LPP: variants seen among roughly 807,000 people sequenced by gnomAD.
LPP encodes lipoma-preferred partner.
A neutral mutation model predicts 60.4 loss-of-function variants in LPP; 38 were observed. The ratio of observed to expected loss-of-function variants is 0.63; its 90% confidence interval spans 0.49 to 0.83. The LOEUF (loss-of-function observed/expected upper bound fraction) is 0.83, where lower values mean the gene tolerates loss of function less well. LPP is among the 40% of genes least tolerant of loss of function. The pLI is 0.00. For synonymous variants in LPP, 328 were observed against 290.8 expected, an observed-to-expected ratio of 1.13 and a Z score of -1.30; for missense variants, 902 against 783.6, an observed-to-expected ratio of 1.15 and a Z score of -1.80.
At chr3:188,422,849 C>A (rs1788164920) in intron 4 of LPP, among the ~76,000 whole-genome samples, 1 of 151,342 alleles carries the variant, frequency 6.6e-6, no homozygotes, top group Admixed American at 6.6e-5. Flanking sequence ...TCTTTGGTGG[C>A]CCTGCTAATA....
At chr3:188,445,966 AT>A (rs1795131378) in intron 4 of LPP, among the ~76,000 whole-genome samples, 1 of 152,068 alleles carries the variant, frequency 6.6e-6, no homozygotes, top group Admixed American at 6.5e-5. Flanking sequence ...AAATTATTTT[AT>A]TTGTTTCTTC....
At chr3:188,687,166 C>A (rs1307447070) in intron 7 of LPP, among the ~76,000 whole-genome samples, 1 of 152,212 alleles carries the variant, frequency 6.6e-6, no homozygotes, top group African/African-American at 2.4e-5. Flanking sequence ...TGGAGATCAT[C>A]TAGTTCGGTT....
chr3:188,389,775 C>CAAAAAA (rs56304365), intron 3 of LPP, among the ~76,000 whole-genome samples: 1 of 85,338 alleles, frequency 1.2e-5, no homozygotes, highest in Admixed American at 1.5e-4. Context: ...GACTCCGTCT[C>CAAAAAA]AAAAAAAAAA....
At chr3:188,668,953 T>A (rs1044771945) in intron 7 of LPP, among the ~76,000 whole-genome samples, 19 of 152,198 alleles carry the variant, frequency 1.2e-4, no homozygotes, top group African/African-American at 4.6e-4. Context: ...ATTTTAATCA[T>A]TTTTTCATTC....
intron 6 of LPP, among the ~76,000 whole-genome samples, chr3:188,608,849 G>A (rs1313702673): frequency 6.6e-5 from 10 of 152,012 alleles, no homozygotes; most frequent in African/African-American, 1.9e-4. Context: ...TTCTTTCACC[G>A]ATGTTTAATA....
chr3:188,160,507 A>G (rs143797353), intron 1 of LPP, among the ~76,000 whole-genome samples: 242 of 152,212 alleles, frequency 1.6e-3, no homozygotes, highest in African/African-American at 5.2e-3. Flanking sequence ...TGTTTTCTTA[A>G]TCCATGCCTT....
intron 2 of LPP, among the ~76,000 whole-genome samples, chr3:188,323,722 C>T (rs914454250): frequency 2.0e-5 from 3 of 152,172 alleles, no homozygotes; most frequent in Non-Finnish European, 4.4e-5. Flanking sequence ...TCAAGATTTG[C>T]CAGTTGTGAT....
chr3:188,513,656 T>C (rs1461922274), intron 5 of LPP, among the ~76,000 whole-genome samples: 1 of 151,990 alleles, frequency 6.6e-6, no homozygotes, highest in South Asian at 2.1e-4. Context: ...TTTATAAGGA[T>C]TGGAATTCAG....
At chr3:188,509,839 T>C (rs1244259867) in intron 5 of LPP, among the ~76,000 whole-genome samples, 1 of 150,658 alleles carries the variant, frequency 6.6e-6, no homozygotes, top group Non-Finnish European at 1.5e-5. Context: ...ATTACAGTTG[T>C]GTGCCACCAT....
At chr3:188,487,209 T>A (rs919522740) in intron 5 of LPP, among the ~76,000 whole-genome samples, 2 of 152,158 alleles carry the variant, frequency 1.3e-5, no homozygotes, top group Admixed American at 6.5e-5. Context: ...CAAATATATA[T>A]ACCTCTTACA....
intron 2 of LPP, among the ~76,000 whole-genome samples, chr3:188,260,878 CA>C (rs1360768074): frequency 1.3e-5 from 2 of 151,808 alleles, no homozygotes; most frequent in East Asian, 3.9e-4. Context: ...ACTAAAAATA[CA>C]AAAAAATTAG....
intron 1 of LPP, among the ~76,000 whole-genome samples, chr3:188,191,970 G>T (rs967207168): frequency 2.0e-5 from 3 of 152,086 alleles, no homozygotes; most frequent in Non-Finnish European, 4.4e-5. Context: ...AGGTTTGAGG[G>T]TTCCTAGGGG....
intron 2 of LPP, among the ~76,000 whole-genome samples, chr3:188,240,924 T>G (rs1190671949): frequency 6.6e-6 from 1 of 152,274 alleles, no homozygotes; most frequent in East Asian, 1.9e-4. Flanking sequence ...TTAGGGAACA[T>G]TTTGTGGATC....
intron 9 of LPP, among the ~76,000 whole-genome samples, chr3:188,837,962 G>A (rs1029502679): frequency 1.3e-5 from 2 of 152,028 alleles, no homozygotes; most frequent in Non-Finnish European, 2.9e-5. Context: ...GTGGGAAAAC[G>A]TGAAACAACT....
chr3:188,869,098 A>AT (rs1017592975), intron 10 of LPP, among the ~76,000 whole-genome samples: 2 of 152,064 alleles, frequency 1.3e-5, no homozygotes, highest in Admixed American at 6.5e-5. Flanking sequence ...AAACAAGGAG[A>AT]TTCCTGGCAG....
At chr3:188,228,562 TC>T (rs1469341624) in intron 2 of LPP, among the ~76,000 whole-genome samples, 1 of 152,072 alleles carries the variant, frequency 6.6e-6, no homozygotes, top group African/African-American at 2.4e-5. Flanking sequence ...GGCAGGAAGA[TC>T]GATTGAGGCC....
At chr3:188,187,674 C>A (rs765398887) in intron 1 of LPP, among the ~76,000 whole-genome samples, 2 of 151,936 alleles carry the variant, frequency 1.3e-5, no homozygotes, top group Admixed American at 6.6e-5. Context: ...TAATTTCTTA[C>A]GCAGTTTCCC....
chr3:188,493,072 G>C (rs773213844), intron 5 of LPP, among the ~76,000 whole-genome samples: 1 of 151,416 alleles, frequency 6.6e-6, no homozygotes, highest in African/African-American at 2.4e-5. Flanking sequence ...CTTTTTTTCT[G>C]CCATAGTACT....
chr3:188,463,455 A>G (rs553381733), intron 4 of LPP, among the ~76,000 whole-genome samples: 19 of 152,196 alleles, frequency 1.2e-4, no homozygotes, highest in African/African-American at 4.3e-4. Context: ...TGATTAACCT[A>G]GGCCTCCCAT....
Sources: allele counts gnomAD v4.1 joint callset (sites outside exome capture counted in the v4.1 genomes callset), GRCh38; gene constraint gnomAD v4.1.1; transcripts MANE v1.5; gene names NCBI Gene and HGNC (gene_info 2026-07-23, HGNC 2026-07-21).